Variants in CDON observed in about 807,000 individuals in gnomAD.
CDON encodes the protein cell adhesion associated, oncogene regulated.
A neutral mutation model predicts 120.9 loss-of-function variants in CDON; 73 were observed. The observed-to-expected ratio is 0.60, with a 90% CI of 0.50 to 0.73. The LOEUF is 0.73. Ranked by LOEUF, CDON falls within the 30% of genes least tolerant of loss-of-function variation. CDON has a pLI of 0.00. For synonymous variants in CDON, 566 were observed against 573.5 expected, an observed-to-expected ratio of 0.99 and a Z score of 0.19; for missense variants, 1,470 against 1,587.3, an observed-to-expected ratio of 0.93 and a Z score of 1.26.
intron 14 of CDON, among the ~76,000 whole-genome samples, chr11:125,993,087 C>CT: frequency 6.6e-6 from 1 of 152,276 alleles, no homozygotes; most frequent in Admixed American, 6.5e-5. Flanking sequence ...GCAACTTCCC[C>CT]TCCCCCAATT....
intron 14 of CDON, among the ~76,000 whole-genome samples, 193 bp from the exon 15 acceptor site, chr11:125,989,952 G>A (rs1046441019): frequency 6.6e-6 from 1 of 151,814 alleles, no homozygotes; most frequent in Non-Finnish European, 1.5e-5. Context: ...TACACGGCAT[G>A]AAAAAAAGGT....
At chr11:125,999,460 TC>T (rs1434740056) in intron 11 of CDON, among the ~76,000 whole-genome samples, 1 of 152,214 alleles carries the variant, frequency 6.6e-6, no homozygotes, top group African/African-American at 2.4e-5. Flanking sequence ...TCCTCATGTG[TC>T]AGTTTCCTAA....
At chr11:125,996,699 CAAAAAAAAAAAA>C (rs71048761) in intron 12 of CDON, among the ~76,000 whole-genome samples, 1 of 53,348 alleles carries the variant, frequency 1.9e-5, no homozygotes, top group Non-Finnish European at 3.2e-5. Context: ...GACTCCATCT[CAAAAAAAAAAAA>C]AAAAAAAAAA....
At chr11:125,989,813 A>G (rs1400592196) in intron 14 of CDON, 54 bp from the exon 15 acceptor site, 1 of 1,537,028 alleles carries the variant, frequency 6.5e-7, no homozygotes, top group East Asian at 2.3e-5. Flanking sequence ...TGATAATGTC[A>G]ATATAATTAG....
At chr11:126,005,418 T>C (rs112184295) in intron 9 of CDON, 14 of 245,346 alleles carry the variant, frequency 5.7e-5, no homozygotes, top group African/African-American at 2.9e-4. Context: ...AACTGCTTTA[T>C]TTGCTACATA....
At chr11:126,049,793 G>A (rs1185467150) in intron 1 of CDON, among the ~76,000 whole-genome samples, 1 of 152,082 alleles carries the variant, frequency 6.6e-6, no homozygotes, top group Non-Finnish European at 1.5e-5. Context: ...CCCCATTTTG[G>A]GTGCAGGGGC....
chr11:125,957,691 C>A lies in CDON; in HGVS notation c.*3251G>T, dbSNP rs1003644000. 1.3e-5 allele frequency: 2 copies of A among 152,204 alleles called. No homozygotes were observed. Among genetic ancestry groups the A allele is most frequent in the Non-Finnish European group, 2.9e-5 (2 of 68,046 alleles). The allele number at this position is 152,204 out of a possible 1,614,324, so 9.4% of individuals were successfully genotyped here. On this transcript the variant is annotated 3_prime_UTR_variant, in exon 20 of 20. Transcript: ENST00000531738. ...GGCAGTACTATAGCTGGAATGAGAT[C>A]TGTGGCATGATCAGCCCAAGATGGA... is the stretch of plus-strand genomic sequence containing the variant.
chr11:126,015,785 C>T (rs1477162775), intron 6 of CDON, among the ~76,000 whole-genome samples: 2 of 152,154 alleles, frequency 1.3e-5, no homozygotes, highest in Admixed American at 1.3e-4. Flanking sequence ...CACATATATA[C>T]AAATAGTTTC....
At chr11:126,000,014 A>T (rs12790407) in intron 11 of CDON, among the ~76,000 whole-genome samples, 1 of 152,130 alleles carries the variant, frequency 6.6e-6, no homozygotes, top group East Asian at 1.9e-4. Context: ...TTTGAAGTTT[A>T]GCTTATGATG....
At chr11:126,060,774 C>T (rs545863525) in intron 1 of CDON, among the ~76,000 whole-genome samples, 73 of 152,282 alleles carry the variant, frequency 4.8e-4, no homozygotes, top group Non-Finnish European at 7.2e-4. Flanking sequence ...CTGTATATAC[C>T]CTGACGATCT....
In CDON at chr11:125,999,711, T is replaced by C. The variant is rs149363745; in HGVS notation, c.2158+2008A>G. ...TGGACTCCATTCCCTTAATCTCTCA[T>C]ACAGGTCCTCCCCTTCCTCCATCCA... On this transcript the variant is annotated intron_variant, in intron 11 of 19. Transcript: ENST00000531738. Among the ~76,000 whole-genome samples the C allele has an allele frequency of 1.1e-3, 168 of 152,090 alleles. 1 individual carries two copies. The highest frequency in any genetic ancestry group is 3.9e-3 in the African/African-American group (160 of 41,474).
chr11:126,031,761 G>A (rs1009362276), intron 1 of CDON, among the ~76,000 whole-genome samples: 70 of 152,328 alleles, frequency 4.6e-4, no homozygotes, highest in African/African-American at 1.6e-3. Context: ...AGTGCAGTTT[G>A]AATGCGAGGT....
intron 1 of CDON, among the ~76,000 whole-genome samples, chr11:126,055,614 C>G (rs368001731): frequency 3.3e-5 from 5 of 152,266 alleles, no homozygotes; most frequent in African/African-American, 7.2e-5. Context: ...AGTTATTTAT[C>G]TCTCTTGTAA....
chr11:126,021,413 G>A lies in CDON; in HGVS notation c.184C>T (p.Leu62=). The A allele has an allele frequency of 1.2e-6, 2 of 1,614,082 alleles. No individual in the cohort carries two copies. Among genetic ancestry groups the A allele is most frequent in the Admixed American group, 1.7e-5 (1 of 60,018 alleles). ...CCATCCAATGTTTTTCCGTTATGCA[G>A]CCATGAGATACGAGTGGTCACAGGT... The part of the protein sequence containing the change: ...AQPVTTRISW[L]HNGKTLDGNL... The change falls in exon 3 of 20, where the codon CTG becomes TTG. Residue 62 remains leucine, a synonymous_variant. Coordinates refer to ENST00000531738, the MANE Select transcript of CDON (RefSeq NM_001378964.1).
intron 18 of CDON, among the ~76,000 whole-genome samples, chr11:125,973,367 C>T (rs1434462810): frequency 1.3e-5 from 2 of 152,080 alleles, no homozygotes; most frequent in Non-Finnish European, 1.5e-5. Context: ...CCCGTCTCTA[C>T]TAAAAATGCA....
At chr11:126,027,513 T>C (rs772072165) in intron 1 of CDON, among the ~76,000 whole-genome samples, 3 of 152,228 alleles carry the variant, frequency 2.0e-5, no homozygotes, top group Non-Finnish European at 4.4e-5. Flanking sequence ...TGTGTGTATA[T>C]ATACATGCAA....
chr11:126,025,178 C>A (rs1380986981), intron 1 of CDON, among the ~76,000 whole-genome samples: 1 of 152,026 alleles, frequency 6.6e-6, no homozygotes, highest in East Asian at 1.9e-4. Flanking sequence ...GCATTCCAGG[C>A]TGGGCAACAG....
chr11:126,040,357 C>T (rs1308283055), intron 1 of CDON, among the ~76,000 whole-genome samples: 1 of 152,166 alleles, frequency 6.6e-6, no homozygotes, highest in Non-Finnish European at 1.5e-5. Flanking sequence ...CTGGGAAATA[C>T]CTTGCACAAA....
At chr11:126,062,088 T>C (rs940004964) in intron 1 of CDON, among the ~76,000 whole-genome samples, 1 of 152,120 alleles carries the variant, frequency 6.6e-6, no homozygotes, top group African/African-American at 2.4e-5. Context: ...AAAAATACAC[T>C]CCCTGGGGCT....
Sources: allele counts gnomAD v4.1 joint callset (sites outside exome capture counted in the v4.1 genomes callset), GRCh38; gene constraint gnomAD v4.1.1; transcripts MANE v1.5; gene names NCBI Gene and HGNC (gene_info 2026-07-23, HGNC 2026-07-21).